The following FBN1 variants were observed in gnomAD, a reference collection of about 807,000 sequenced individuals.
FBN1 encodes fibrillin 1.
Under a neutral mutation model 365.1 loss-of-function variants are expected in FBN1, and 29 were observed. The observed-to-expected ratio is 0.08, with a 90% CI of 0.06 to 0.11. FBN1 has a LOEUF of 0.11. FBN1 is among the 10% of genes least tolerant of loss of function. The pLI, the probability that FBN1 is intolerant of heterozygous loss-of-function variation, is 1.00. For synonymous variants in FBN1, 1,210 were observed against 1,270.5 expected (o/e 0.95, Z 1.01); for missense variants, 2,476 against 3,703.2 (o/e 0.67, Z 8.60).
intron 6 of FBN1, among the ~76,000 whole-genome samples, chr15:48,578,099 A>G (rs1430482114): frequency 6.6e-6 from 1 of 152,230 alleles, no homozygotes; most frequent in Non-Finnish European, 1.5e-5. Flanking sequence ...GGGAGTAGGG[A>G]ATTGAAAGTG....
intron 2 of FBN1, among the ~76,000 whole-genome samples, chr15:48,619,253 C>CA (rs1408783088): frequency 1.6e-4 from 24 of 152,112 alleles, no homozygotes; most frequent in Admixed American, 8.5e-4. Flanking sequence ...TGCAAGCCAG[C>CA]CAACCACTCT....
chr15:48,577,487 G>C (rs540030260), intron 6 of FBN1, among the ~76,000 whole-genome samples: 1 of 152,112 alleles, frequency 6.6e-6, no homozygotes, highest in Admixed American at 6.5e-5. Flanking sequence ...CCAAGGGGGG[G>C]CATTCAAACA....
chr15:48,585,846 A>G (rs939309362), intron 6 of FBN1, among the ~76,000 whole-genome samples: 2 of 152,206 alleles, frequency 1.3e-5, no homozygotes, highest in African/African-American at 4.8e-5. Context: ...AATAATACCT[A>G]TATAATTATT....
At chr15:48,609,297 C>T (rs530073957) in intron 4 of FBN1, among the ~76,000 whole-genome samples, 24 of 152,316 alleles carry the variant, frequency 1.6e-4, no homozygotes, top group Non-Finnish European at 3.5e-4. Flanking sequence ...AAGCAAGAGT[C>T]CCAGCCCATA....
At chr15:48,434,466 G>A in intron 54 of FBN1, 128 bp downstream of exon 54, 1 of 1,109,920 alleles carries the variant, frequency 9.0e-7, no homozygotes. Context: ...ATGATCAAAT[G>A]GCCCATCAGG....
chr15:48,537,941 T>C (rs2141358668), intron 6 of FBN1, 133 bp from the exon 7 acceptor site: 1 of 936,066 alleles, frequency 1.1e-6, no homozygotes, highest in Non-Finnish European at 1.7e-6. Context: ...TGCATCACTG[T>C]CCCTGTGTAA....
At chr15:48,639,071 T>A (rs1002723900) in intron 2 of FBN1, among the ~76,000 whole-genome samples, 2 of 152,240 alleles carry the variant, frequency 1.3e-5, no homozygotes, top group South Asian at 4.1e-4. Flanking sequence ...TACTTAGGAT[T>A]TGTGAACTAG....
At chr15:48,469,458 G>A (rs1342837884) in intron 36 of FBN1, among the ~76,000 whole-genome samples, 1 of 152,044 alleles carries the variant, frequency 6.6e-6, no homozygotes, top group African/African-American at 2.4e-5. Flanking sequence ...AATATGTACA[G>A]AATTCCAGAT....
intron 6 of FBN1, among the ~76,000 whole-genome samples, chr15:48,569,060 C>A (rs1413901392): frequency 1.3e-5 from 2 of 151,988 alleles, no homozygotes; most frequent in South Asian, 2.1e-4. Context: ...AGACAAGTCA[C>A]AGGCTGGAAG....
chr15:48,465,527 T>C, intron 40 of FBN1, 41 bp downstream of exon 40: 1 of 1,612,358 alleles, frequency 6.2e-7, no homozygotes, highest in Non-Finnish European at 8.5e-7. Context: ...GGTCAGTTCT[T>C]GATATCTGCA....
chr15:48,459,916 G>A (rs1009983302), intron 43 of FBN1, among the ~76,000 whole-genome samples: 1 of 152,216 alleles, frequency 6.6e-6, no homozygotes, highest in Admixed American at 6.5e-5. Flanking sequence ...AGGAAGGATT[G>A]AGAATTACAG....
rs543570298 is a variant in FBN1 at position 48,644,805 on chromosome 15, C to G, written c.-36G>C. 24 of 1,594,762 alleles carry G rather than the reference C, an allele frequency of 1.5e-5. No individual in the cohort carries two copies. The highest frequency in any genetic ancestry group is 2.0e-5 in the Non-Finnish European group (23 of 1,174,918). On this transcript the variant is annotated 5_prime_UTR_variant, in exon 2 of 66. Transcript: ENST00000316623. ...CGCCACCGGCTCCCGCCGCCTCTTG[C>G]CGCGCCCGGGGCTCGGTCTGCGGCC...
intron 24 of FBN1, among the ~76,000 whole-genome samples, chr15:48,492,077 T>C (rs962050173): frequency 6.6e-6 from 1 of 152,298 alleles, no homozygotes; most frequent in African/African-American, 2.4e-5. Context: ...ACAGGTGTTT[T>C]TGCAAGGACC....
intron 6 of FBN1, among the ~76,000 whole-genome samples, chr15:48,560,634 T>C (rs1299963692): frequency 6.6e-6 from 1 of 152,220 alleles, no homozygotes; most frequent in Non-Finnish European, 1.5e-5. Context: ...CTCGGTTGTC[T>C]TCGTATGAGC....
rs1258352189 is a variant in FBN1, at chr15:48,472,605, G to A, written c.4282C>T (p.Arg1428Cys). The A allele has an allele frequency of 6.8e-6, 11 of 1,614,132 alleles. No individual in the cohort carries two copies. Among genetic ancestry groups the A allele is most frequent in the East Asian group, 6.7e-5 (3 of 44,882 alleles). The change falls in exon 35 of 66, where the codon CGC (arginine) becomes TGC (cysteine). Residue 1428 changes from arginine (R) to cysteine (C), a missense_variant. Arg to Cys is a radical substitution (Grantham distance 180). Coordinates refer to ENST00000316623, the MANE Select transcript of FBN1 (RefSeq NM_000138.5). ...ACGAAGCCCATGTCGCATTCACAGC[G>A]GTATCCTCCTGGTGCATTGAGGCAC... ...GQCLNAPGGY[R>C]CECDMGFVPS... is the part of the protein sequence containing the mutation.
At chr15:48,473,301 T>C (rs1034503812) in intron 34 of FBN1, among the ~76,000 whole-genome samples, 4 of 152,238 alleles carry the variant, frequency 2.6e-5, no homozygotes, top group East Asian at 1.9e-4. Flanking sequence ...CCTTAGCCTC[T>C]ATTGTGCTTA....
At chr15:48,490,867 T>C (rs1420537056) in intron 24 of FBN1, among the ~76,000 whole-genome samples, 1 of 152,242 alleles carries the variant, frequency 6.6e-6, no homozygotes, top group Non-Finnish European at 1.5e-5. Flanking sequence ...CAGAAGGTTC[T>C]GTGAAGCTCA....
chr15:48,531,694 G>A (rs1208132334), intron 8 of FBN1, among the ~76,000 whole-genome samples: 1 of 152,148 alleles, frequency 6.6e-6, no homozygotes, highest in Non-Finnish European at 1.5e-5. Flanking sequence ...ACTGTAACCG[G>A]AAAAGAGCAA....
chr15:48,640,254 G>A (rs1890174958), intron 2 of FBN1, among the ~76,000 whole-genome samples: 1 of 151,916 alleles, frequency 6.6e-6, no homozygotes, highest in Admixed American at 6.6e-5. Context: ...TAAATATTTT[G>A]TCTCTACCTT....
Sources: allele counts gnomAD v4.1 joint callset (sites outside exome capture counted in the v4.1 genomes callset), GRCh38; gene constraint gnomAD v4.1.1; transcripts MANE v1.5; gene names NCBI Gene and HGNC (gene_info 2026-07-23, HGNC 2026-07-21).